XRN1: variants seen among roughly 807,000 people sequenced by gnomAD.
XRN1 encodes strand-exchange protein 1 homolog.
A neutral mutation model predicts 222.3 loss-of-function variants in XRN1; 67 were observed. The ratio of observed to expected loss-of-function variants is 0.30; its 90% CI spans 0.25 to 0.37. XRN1 has a LOEUF of 0.37. Among genes scored for constraint, XRN1 ranks in the 10% least tolerant of loss-of-function variants. The pLI is 1.00. For missense variants in XRN1, 1,707 were observed against 2,000.2 expected (o/e 0.85, Z 2.80); for synonymous variants, 643 against 652.4 (o/e 0.99, Z 0.22).
At chr3:142,373,196 T>C (rs1334788145) in intron 25 of XRN1, among the ~76,000 whole-genome samples, 1 of 152,058 alleles carries the variant, frequency 6.6e-6, no homozygotes, top group Admixed American at 6.6e-5. Flanking sequence ...CAAGATGCTA[T>C]ATATAGCCAG....
At chr3:142,374,035 T>C (rs2067066216) in intron 25 of XRN1, among the ~76,000 whole-genome samples, 1 of 152,002 alleles carries the variant, frequency 6.6e-6, no homozygotes, top group Non-Finnish European at 1.5e-5. Context: ...ATCTCCAATC[T>C]AGGATTCTAC....
In XRN1 at chr3:142,418,531, G is replaced by A. The variant is rs777191632; in HGVS notation, c.1319C>T (p.Thr440Met). The A allele has an allele frequency of 1.2e-5, 20 of 1,610,868 alleles. No homozygotes were observed. Among genetic ancestry groups the A allele is most frequent in the South Asian group, 3.3e-5 (3 of 90,232 alleles). ...FRQYKRTYYM[T>M]KMGVDVVSDD... ...AGATACTACGTCAACCCCCATCTTC[G>A]TCATGTAATATGTTCTTTTATATTG... Residue 440 changes from threonine (T) to methionine (M), a missense_variant, in exon 12 of 41, where the codon ACG (threonine) becomes ATG (methionine). Physicochemically the swap from Thr to Met is moderately conservative, Grantham distance 81. Coordinates refer to ENST00000392981, the MANE Select transcript of XRN1 (RefSeq NM_001282857.2).
intron 39 of XRN1, among the ~76,000 whole-genome samples, chr3:142,316,991 C>T (rs1270165685): frequency 6.6e-6 from 1 of 152,148 alleles, no homozygotes; most frequent in Non-Finnish European, 1.5e-5. Flanking sequence ...TTTGGCTATA[C>T]AGAGAAATTA....
At chr3:142,361,896 T>G (rs907704864) in intron 29 of XRN1, among the ~76,000 whole-genome samples, 1 of 151,012 alleles carries the variant, frequency 6.6e-6, no homozygotes, top group East Asian at 1.9e-4. Context: ...GAAGAGAGTT[T>G]TTTTTTTTTT....
intron 32 of XRN1, among the ~76,000 whole-genome samples, chr3:142,348,777 C>G (rs2066221680): frequency 6.6e-6 from 1 of 152,096 alleles, no homozygotes; most frequent in African/African-American, 2.4e-5. Flanking sequence ...CAGAAACACT[C>G]AAGACTCTTC....
Position 142,400,544 on chromosome 3 carries a change from C to T in XRN1, c.2107G>A (p.Val703Ile), listed in dbSNP as rs754322531. The change falls in exon 19 of 41, where the codon GTA (valine) becomes ATA (isoleucine). Residue 703 changes from valine (V) to isoleucine (I), a missense_variant. Transcript: ENST00000392981. ...LVDAESDELTVENVASSVLGK... is the reference protein window; with the variant it reads ...LVDAESDELTIENVASSVLGK... ...AGCACTGATGAAGCTACATTTTCTA[C>T]GGTCTTAAAGTAAAAGCAAAAAAGT... is the stretch of plus-strand genomic sequence containing the variant. 3.6e-5 allele frequency: 58 copies of T among 1,609,710 alleles called. No individual in the cohort carries two copies. Among genetic ancestry groups the T allele is most frequent in the Non-Finnish European group, 4.3e-5 (51 of 1,177,802 alleles).
At chr3:142,369,515 G>GCAGGATTA (rs2066917875) in intron 27 of XRN1, among the ~76,000 whole-genome samples, 1 of 151,736 alleles carries the variant, frequency 6.6e-6, no homozygotes, top group African/African-American at 2.4e-5. Flanking sequence ...GGGCGAGGTG[G>GCAGGATTA]CAGGTACCTG....
intron 22 of XRN1, among the ~76,000 whole-genome samples, chr3:142,382,169 A>T (rs569558340): frequency 6.6e-6 from 1 of 152,230 alleles, no homozygotes; most frequent in Admixed American, 6.5e-5. Context: ...CTTGCAGCTA[A>T]TAAATAATCT....
intron 33 of XRN1, among the ~76,000 whole-genome samples, chr3:142,345,553 T>C (rs904959887): frequency 1.3e-5 from 2 of 152,126 alleles, no homozygotes; most frequent in Non-Finnish European, 2.9e-5. Flanking sequence ...AATACACAAA[T>C]TGGACTTCAT....
At chr3:142,386,829 ATAGT>A (rs1417565639) in intron 20 of XRN1, among the ~76,000 whole-genome samples, 2 of 152,200 alleles carry the variant, frequency 1.3e-5, no homozygotes, top group Non-Finnish European at 2.9e-5. Context: ...TGAAAAAGCA[ATAGT>A]AAGTACTTAT....
intron 33 of XRN1, among the ~76,000 whole-genome samples, chr3:142,342,711 G>T (rs1271795231): frequency 6.6e-6 from 1 of 152,062 alleles, no homozygotes; most frequent in Non-Finnish European, 1.5e-5. Context: ...AAATGGTGCT[G>T]GGAAAACTGG....
intron 30 of XRN1, 148 bp downstream of exon 30, chr3:142,359,714 T>C: frequency 2.0e-6 from 1 of 496,046 alleles, no homozygotes; most frequent in Non-Finnish European, 3.5e-6. Flanking sequence ...GTAGAAAGCA[T>C]GTCTGCCTTA....
chr3:142,430,781 C>T (rs1367405608), intron 2 of XRN1, among the ~76,000 whole-genome samples: 1 of 152,212 alleles, frequency 6.6e-6, no homozygotes, highest in African/African-American at 2.4e-5. Context: ...CAATTCTAAC[C>T]TTTACTTCTG....
intron 13 of XRN1, among the ~76,000 whole-genome samples, chr3:142,414,543 T>G (rs560795561): frequency 1.3e-5 from 2 of 152,002 alleles, no homozygotes; most frequent in East Asian, 1.9e-4. Context: ...TTGCCCAGGC[T>G]GGAGTGCAGT....
At chr3:142,321,955 T>C (rs2065367418) in intron 37 of XRN1, among the ~76,000 whole-genome samples, 1 of 152,204 alleles carries the variant, frequency 6.6e-6, no homozygotes, top group Admixed American at 6.5e-5. Flanking sequence ...GTCTTTTATT[T>C]ATTTATTTTT....
Position 142,370,679 on chromosome 3 carries a change from A to T in XRN1, c.3069-59T>A, listed in dbSNP as rs544107425. On this transcript the variant is annotated intron_variant, in intron 26 of 40. Transcript: ENST00000392981. Reference sequence around the variant, plus strand: ...TAAAACTTTCTCAGGGCTATAAATTATAAAAGACATAAAACTTATATAACT... The same window carrying T: ...TAAAACTTTCTCAGGGCTATAAATTTTAAAAGACATAAAACTTATATAACT... 1.6e-5 allele frequency: 23 copies of T among 1,407,864 alleles called. No individual in the cohort carries two copies. The East Asian group carries it at 4.3e-4, about 26-fold the overall frequency. 87.2% of individuals were successfully genotyped at this position (1,407,864 alleles called of 1,614,324 possible). A position where few individuals can be genotyped will look rare whatever the true frequency, so the allele number is the denominator to read the frequency against.
chr3:142,325,103 T>C (rs952825039), intron 37 of XRN1, among the ~76,000 whole-genome samples: 2 of 152,210 alleles, frequency 1.3e-5, no homozygotes, highest in Admixed American at 6.5e-5. Context: ...CTGGATCATA[T>C]GGTAGGTCTA....
At chr3:142,400,628 A>C in intron 18 of XRN1, 81 bp from the exon 19 acceptor site, 3 of 1,116,580 alleles carry the variant, frequency 2.7e-6, no homozygotes, top group African/African-American at 1.6e-5. Flanking sequence ...TCCAATCTCC[A>C]TTTAAGTTTT....
At chr3:142,424,608 T>C (rs1403910893) in intron 5 of XRN1, among the ~76,000 whole-genome samples, 2 of 152,178 alleles carry the variant, frequency 1.3e-5, no homozygotes, top group African/African-American at 4.8e-5. Context: ...GATGATGGCA[T>C]TGTGGTTATA....
Sources: gnomAD v4.1 joint callset for allele counts (sites outside exome capture counted in the v4.1 genomes callset) on GRCh38, gnomAD v4.1.1 for gene constraint, MANE v1.5 for transcripts, NCBI Gene and HGNC (gene_info 2026-07-23, HGNC 2026-07-21) for gene names.